CNTNAP3B: variants seen among roughly 807,000 people sequenced by gnomAD.
The protein encoded by CNTNAP3B is contactin associated protein family member 3B.
A neutral mutation model predicts 108.9 loss-of-function variants in CNTNAP3B; 25 were observed. The observed-to-expected ratio is 0.23, with a 90% CI of 0.17 to 0.32. CNTNAP3B has a LOEUF of 0.32. CNTNAP3B is among the 10% of genes least tolerant of loss of function. The pLI is 1.00. For synonymous variants in CNTNAP3B, 103 were observed against 473.4 expected, an observed-to-expected ratio of 0.22 and a Z score of 10.16; for missense variants, 252 against 1,210.4, an observed-to-expected ratio of 0.21 and a Z score of 11.75.
At chr9:41,952,518 G>T (rs1431277435) in intron 13 of CNTNAP3B, among the ~76,000 whole-genome samples, 1 of 152,276 alleles carries the variant, frequency 6.6e-6, no homozygotes, top group Non-Finnish European at 1.5e-5. Flanking sequence ...TCCTGCAGGG[G>T]ACTGTGGGGA....
intron 12 of CNTNAP3B, among the ~76,000 whole-genome samples, chr9:41,959,031 G>A (rs1486997186): frequency 2.8e-5 from 4 of 140,888 alleles, no homozygotes; most frequent in African/African-American, 1.1e-4. Flanking sequence ...CTTGACAACG[G>A]TTTCCCCAAA....
chr9:41,926,377 TA>T (rs1448866757), intron 15 of CNTNAP3B, among the ~76,000 whole-genome samples: 13 of 152,400 alleles, frequency 8.5e-5, no homozygotes, highest in Middle Eastern at 3.4e-3. Flanking sequence ...GAGATGAAGA[TA>T]AGGAAAGGAA....
intron 3 of CNTNAP3B, among the ~76,000 whole-genome samples, chr9:42,054,028 C>T (rs1367569456): frequency 1.3e-5 from 2 of 151,916 alleles, no homozygotes; most frequent in African/African-American, 4.9e-5. Flanking sequence ...GCAAAGCTAA[C>T]TTACTTTGAA....
chr9:41,959,754 T>C (rs1422184686), intron 12 of CNTNAP3B, among the ~76,000 whole-genome samples: 2 of 152,306 alleles, frequency 1.3e-5, no homozygotes, highest in Admixed American at 6.5e-5. Flanking sequence ...TAAATGCCCA[T>C]GTAATTTCAG....
chr9:42,042,531 A>AT (rs200759399), intron 3 of CNTNAP3B, among the ~76,000 whole-genome samples: 2 of 137,116 alleles, frequency 1.5e-5, no homozygotes, highest in Non-Finnish European at 3.1e-5. Context: ...ATGCACAACC[A>AT]TTTTTTTCTT....
intron 14 of CNTNAP3B, among the ~76,000 whole-genome samples, chr9:41,935,300 G>A (rs1253334302): frequency 2.6e-5 from 4 of 152,286 alleles, no homozygotes; most frequent in South Asian, 2.1e-4. Context: ...GAAAAATGGC[G>A]ATGGTTTATA....
intron 1 of CNTNAP3B, among the ~76,000 whole-genome samples, chr9:42,116,197 C>T (rs1400825881): frequency 1.5e-5 from 2 of 137,548 alleles, no homozygotes; most frequent in Admixed American, 1.4e-4. Flanking sequence ...ATGAACAAAG[C>T]CTCCAAGAAA....
intron 15 of CNTNAP3B, among the ~76,000 whole-genome samples, 200 bp from the exon 16 acceptor site, chr9:41,924,293 G>C (rs1433650253): frequency 1.3e-5 from 2 of 152,300 alleles, no homozygotes; most frequent in Non-Finnish European, 2.9e-5. Flanking sequence ...TTGGAATTCT[G>C]TGTTCAGAGA....
intron 2 of CNTNAP3B, among the ~76,000 whole-genome samples, chr9:42,103,559 TAA>T (rs761806373): frequency 6.5e-4 from 57 of 87,722 alleles, no homozygotes; most frequent in East Asian, 7.7e-4. Flanking sequence ...CCGTCCCTGC[TAA>T]AAAAAAAAAA....
At chr9:41,980,736 C>T (rs1412932704) in intron 9 of CNTNAP3B, 2 of 146,344 alleles carry the variant, frequency 1.4e-5, no homozygotes, top group African/African-American at 5.2e-5. Flanking sequence ...ATTGGAGGAA[C>T]ATACTTCAAC....
chr9:42,063,055 C>T lies in CNTNAP3B; in HGVS notation c.390+13814G>A, dbSNP rs1827201675. Among the ~76,000 whole-genome samples the T allele has an allele frequency of 2.0e-5, 2 of 101,282 alleles. 1 individual carries two copies. Among genetic ancestry groups the T allele is most frequent in the South Asian group, 5.7e-4 (2 of 3,502 alleles). The allele number at this position is 101,282 out of a possible 152,430, so 66.4% of individuals were successfully genotyped here. On this transcript the variant is annotated intron_variant, in intron 3 of 23. Coordinates refer to ENST00000377561, the MANE Select transcript of CNTNAP3B (RefSeq NM_001201380.3). The stretch of plus-strand genomic sequence containing the variant: ...TGTAATAAATGTTACTTAAAAACTA[C>T]CACCACAGTTTTAAAATTTGACTTA...
At chr9:41,991,019 C>T (rs1825795952) in intron 8 of CNTNAP3B, among the ~76,000 whole-genome samples, 2 of 134,030 alleles carry the variant, frequency 1.5e-5, no homozygotes, top group Admixed American at 7.6e-5. Context: ...CAAGTGAAAA[C>T]AGCTGAGGCT....
In CNTNAP3B at chr9:41,956,152, C is replaced by A. The variant is rs866601443; in HGVS notation, c.1877-2766G>T. On this transcript the variant is annotated intron_variant, in intron 12 of 23. Transcript: ENST00000377561. ...CTGTAATCCCAGCACTTTGGGAGGC[C>A]GAGGCAGGCGGATTACGAGGTCAGG... Among the ~76,000 whole-genome samples, 3 of 152,184 alleles carry A rather than the reference C, an allele frequency of 2.0e-5. No homozygotes were observed. In the East Asian group the frequency reaches 5.8e-4, roughly 29 times the overall value.
chr9:42,116,155 AAAG>A (rs1177284210), intron 1 of CNTNAP3B, among the ~76,000 whole-genome samples: 1 of 137,494 alleles, frequency 7.3e-6, no homozygotes. Context: ...TGAAGCGAGA[AAAG>A]AAGTTTAGAG....
intron 2 of CNTNAP3B, among the ~76,000 whole-genome samples, chr9:42,090,900 C>T (rs1278874296): frequency 4.8e-5 from 4 of 83,408 alleles, no homozygotes; most frequent in Non-Finnish European, 7.2e-5. Flanking sequence ...GGTGCCATTA[C>T]ATAAAATATA....
intron 14 of CNTNAP3B, among the ~76,000 whole-genome samples, chr9:41,933,576 C>A (rs1271693953): frequency 6.6e-6 from 1 of 152,284 alleles, no homozygotes; most frequent in Non-Finnish European, 1.5e-5. Context: ...AATTATTTTA[C>A]GATTTTATAG....
chr9:41,955,338 T>C (rs1824821857), intron 12 of CNTNAP3B, among the ~76,000 whole-genome samples: 2 of 151,842 alleles, frequency 1.3e-5, no homozygotes, highest in Non-Finnish European at 2.9e-5. Flanking sequence ...ACCAGGGACA[T>C]TATAGGATAT....
In CNTNAP3B at chr9:41,926,126, C is replaced by T. The variant is rs1823812365; in HGVS notation, c.2366-2033G>A. ...AATCCATGAGTTCATGTGGATACCT[C>T]CGTTTTTAACCCAGCACCACAGGGT... On this transcript the variant is annotated intron_variant, in intron 15 of 23. Transcript: ENST00000377561. 3.9e-5 allele frequency among the ~76,000 whole-genome samples: 6 copies of T among 152,276 alleles called. No individual in the cohort carries two copies. In the South Asian group the frequency reaches 1.2e-3, roughly 31 times the overall value.
chr9:41,943,815 C>T (rs1238815527), intron 13 of CNTNAP3B, among the ~76,000 whole-genome samples: 20 of 152,314 alleles, frequency 1.3e-4, no homozygotes, highest in African/African-American at 3.6e-4. Flanking sequence ...GGAATCTCAG[C>T]AATCACCAAG....
Sources: allele counts gnomAD v4.1 joint callset (sites outside exome capture counted in the v4.1 genomes callset), GRCh38; gene constraint gnomAD v4.1.1; transcripts MANE v1.5; gene names NCBI Gene and HGNC (gene_info 2026-07-23, HGNC 2026-07-21).